Variants in STXBP5L observed in about 807,000 individuals in gnomAD.
The protein encoded by STXBP5L is syntaxin-binding protein 5-like.
A neutral mutation model predicts 144.5 loss-of-function variants in STXBP5L; 65 were observed. The observed-to-expected ratio is 0.45, with a 90% CI of 0.37 to 0.55. STXBP5L has a LOEUF of 0.55. Ranked by LOEUF, STXBP5L falls within the 20% of genes least tolerant of loss-of-function variation. The pLI, the probability that STXBP5L is intolerant of heterozygous loss-of-function variation, is 0.00. For synonymous variants in STXBP5L, 505 were observed against 469.6 expected (o/e 1.08, Z -0.97); for missense variants, 1,298 against 1,405.5 (o/e 0.92, Z 1.22).
At position 121,144,623 on chromosome 3, in the gene STXBP5L, A is replaced by T. The variant is rs547948482; in HGVS notation, c.670-7854A>T. Among the ~76,000 whole-genome samples the T allele has an allele frequency of 7.2e-5, 11 of 152,042 alleles. No homozygotes were observed. In the East Asian group the frequency reaches 1.9e-3, roughly 27 times the overall value. ...ACAGCAGTCCCATTTCTGGATATTT[A>T]TACAAGAGAATTGAAATCAAGATCT... On this transcript the variant is annotated intron_variant, in intron 7 of 26. Coordinates refer to ENST00000471454, the MANE Select transcript of STXBP5L (RefSeq NM_001308330.2).
At chr3:120,991,794 C>T (rs1220109913) in intron 3 of STXBP5L, among the ~76,000 whole-genome samples, 1 of 149,248 alleles carries the variant, frequency 6.7e-6, no homozygotes, top group African/African-American at 2.5e-5. Context: ...GCAAACATCA[C>T]ACACCGGGGC....
At chr3:121,326,936 A>G (rs1559979069) in intron 20 of STXBP5L, among the ~76,000 whole-genome samples, 1 of 152,124 alleles carries the variant, frequency 6.6e-6, no homozygotes, top group Admixed American at 6.6e-5. Flanking sequence ...GTAAGAAGCA[A>G]TTAATCAGAA....
At chr3:121,119,091 A>G (rs1426294483) in intron 6 of STXBP5L, among the ~76,000 whole-genome samples, 1 of 151,510 alleles carries the variant, frequency 6.6e-6, no homozygotes, top group Admixed American at 6.6e-5. Context: ...TGAACTAATT[A>G]TGACTCATAG....
intron 22 of STXBP5L, among the ~76,000 whole-genome samples, chr3:121,398,948 C>A (rs975359963): frequency 1.3e-5 from 2 of 152,114 alleles, no homozygotes; most frequent in Non-Finnish European, 2.9e-5. Context: ...CGAGGCACTG[C>A]TCGAACAGAC....
At chr3:121,343,032 T>C (rs374504137) in intron 20 of STXBP5L, among the ~76,000 whole-genome samples, 7 of 151,858 alleles carry the variant, frequency 4.6e-5, no homozygotes, top group Non-Finnish European at 1.5e-5. Context: ...TTTTAATGAT[T>C]GTCATTCTAA....
intron 20 of STXBP5L, among the ~76,000 whole-genome samples, chr3:121,378,479 G>A (rs1033021623): frequency 6.6e-6 from 1 of 152,012 alleles, no homozygotes; most frequent in Admixed American, 6.6e-5. Flanking sequence ...TTTAATCTAT[G>A]TTACACAGCC....
Position 120,972,246 on chromosome 3 carries a change from T to A in STXBP5L, c.287+17209T>A, listed in dbSNP as rs574080424. On this transcript the variant is annotated intron_variant, in intron 3 of 26. Transcript: ENST00000471454. ...CATTATTTGTGTCATCTATGATTTC[T>A]TTCATTGTTGTTTTGTAGTTCTCCT... 1.4e-4 allele frequency among the ~76,000 whole-genome samples: 21 copies of A among 152,204 alleles called. No homozygotes were observed. In the South Asian group the frequency reaches 3.9e-3, roughly 29 times the overall value.
At chr3:121,282,129 T>G (rs1036887872) in intron 19 of STXBP5L, 8 of 546,348 alleles carry the variant, frequency 1.5e-5, no homozygotes, top group African/African-American at 1.3e-4. Context: ...CCTTCTAATT[T>G]AATTACCTAA....
At chr3:121,042,470 C>T (rs2107553388) in intron 4 of STXBP5L, among the ~76,000 whole-genome samples, 1 of 152,116 alleles carries the variant, frequency 6.6e-6, no homozygotes, top group Admixed American at 6.6e-5. Context: ...TTAAGTGAGC[C>T]AGTCAATGCA....
intron 3 of STXBP5L, among the ~76,000 whole-genome samples, chr3:120,995,251 G>A (rs1474082503): frequency 2.0e-5 from 3 of 152,074 alleles, no homozygotes; most frequent in Non-Finnish European, 4.4e-5. Context: ...AGGCTCAAGC[G>A]ATCCTTTCAC....
intron 3 of STXBP5L, among the ~76,000 whole-genome samples, chr3:121,009,282 C>A (rs1944591418): frequency 6.6e-6 from 1 of 151,940 alleles, no homozygotes; most frequent in African/African-American, 2.4e-5. Context: ...GCATGCACTC[C>A]CCTAGATTCA....
chr3:121,375,465 A>T (rs1281452205), intron 20 of STXBP5L, among the ~76,000 whole-genome samples: 1 of 152,182 alleles, frequency 6.6e-6, no homozygotes, highest in Non-Finnish European at 1.5e-5. Context: ...GCAACTCTGG[A>T]TTAGAATTCT....
intron 7 of STXBP5L, among the ~76,000 whole-genome samples, chr3:121,148,876 A>T (rs1298744603): frequency 6.6e-6 from 1 of 152,140 alleles, no homozygotes; most frequent in African/African-American, 2.4e-5. Flanking sequence ...TGGTAGTGCC[A>T]TAGCCAAACA....
At chr3:121,313,204 C>G (rs2043612455) in intron 19 of STXBP5L, among the ~76,000 whole-genome samples, 1 of 134,390 alleles carries the variant, frequency 7.4e-6, no homozygotes, top group Admixed American at 7.6e-5. Flanking sequence ...GGGCGGCCGG[C>G]CGGAAGGGGG....
chr3:120,976,153 G>A (rs547763300), intron 3 of STXBP5L, among the ~76,000 whole-genome samples: 10 of 152,220 alleles, frequency 6.6e-5, no homozygotes, highest in African/African-American at 1.7e-4. Flanking sequence ...GGTAGAATTC[G>A]GCTGTGAATC....
intron 19 of STXBP5L, chr3:121,282,187 A>G: frequency 8.1e-7 from 1 of 1,232,400 alleles, no homozygotes. Context: ...CTGGTATGAT[A>G]TCACTTCCTT....
intron 2 of STXBP5L, among the ~76,000 whole-genome samples, chr3:120,935,184 G>A (rs1426574508): frequency 1.3e-5 from 2 of 148,952 alleles, no homozygotes; most frequent in Non-Finnish European, 3.0e-5. Flanking sequence ...TTTTTTAGTG[G>A]TTGCCCTTAG....
chr3:121,087,837 C>G (rs1176258635), intron 5 of STXBP5L, among the ~76,000 whole-genome samples: 1 of 151,798 alleles, frequency 6.6e-6, no homozygotes, highest in Non-Finnish European at 1.5e-5. Context: ...CTTTGTATCA[C>G]TTTTTAAAGA....
intron 3 of STXBP5L, among the ~76,000 whole-genome samples, chr3:120,998,860 G>C (rs1015269283): frequency 6.6e-6 from 1 of 152,116 alleles, no homozygotes; most frequent in Non-Finnish European, 1.5e-5. Context: ...GCTGAATGAA[G>C]TGAGAGCTGA....
Sources: allele counts gnomAD v4.1 joint callset (sites outside exome capture counted in the v4.1 genomes callset), GRCh38; gene constraint gnomAD v4.1.1; transcripts MANE v1.5; gene names NCBI Gene and HGNC (gene_info 2026-07-23, HGNC 2026-07-21).